The following FYN variants were observed in gnomAD, a reference collection of about 807,000 sequenced individuals.
FYN encodes FYN proto-oncogene, Src family tyrosine kinase, also known as tyrosine-protein kinase Fyn.
FYN carries 10 observed loss-of-function variants against 70.2 expected under a neutral mutation model. The ratio of observed to expected loss-of-function variants is 0.14; its 90% CI spans 0.09 to 0.24. The LOEUF (loss-of-function observed/expected upper bound fraction) is 0.24. Ranked by LOEUF, FYN falls within the 10% of genes least tolerant of loss-of-function variation. The pLI is 1.00. For missense variants in FYN, 319 were observed against 673.1 expected (o/e 0.47, Z 5.82); for synonymous variants, 236 against 248.6 (o/e 0.95, Z 0.48).
intron 2 of FYN, among the ~76,000 whole-genome samples, chr6:111,830,513 G>GGA (rs34526346): frequency 0.59 from 89,124 of 151,708 alleles, 26,690 homozygotes; most frequent in East Asian, 0.8. Flanking sequence ...CACAGTGCTG[G>GGA]GAGAGAGTCC....
intron 2 of FYN, among the ~76,000 whole-genome samples, chr6:111,794,400 C>A (rs919696327): frequency 1.3e-5 from 2 of 152,110 alleles, no homozygotes; most frequent in African/African-American, 2.4e-5. Context: ...AGAGGAATCA[C>A]AAGGGTCAAA....
intron 2 of FYN, among the ~76,000 whole-genome samples, chr6:111,824,294 T>C (rs1424320883): frequency 6.6e-6 from 1 of 152,220 alleles, no homozygotes; most frequent in Non-Finnish European, 1.5e-5. Flanking sequence ...TCATAGTCTA[T>C]TAAGGGGCAA....
intron 3 of FYN, among the ~76,000 whole-genome samples, chr6:111,779,911 A>T (rs1771106944): frequency 6.6e-6 from 1 of 152,244 alleles, no homozygotes; most frequent in Admixed American, 6.5e-5. Flanking sequence ...CCTATGATGT[A>T]GGTAACATGA....
chr6:111,684,915 C>A (rs1562469105), intron 12 of FYN, among the ~76,000 whole-genome samples: 1 of 152,146 alleles, frequency 6.6e-6, no homozygotes, highest in Non-Finnish European at 1.5e-5. Context: ...TTCTAGAATA[C>A]TGAGGCTCTG....
intron 9 of FYN, among the ~76,000 whole-genome samples, chr6:111,698,863 C>A (rs570722657): frequency 6.6e-6 from 1 of 152,156 alleles, no homozygotes; most frequent in South Asian, 2.1e-4. Flanking sequence ...AGCTGGCAGA[C>A]CACCAGGTCA....
intron 2 of FYN, among the ~76,000 whole-genome samples, chr6:111,803,918 A>C (rs1302845164): frequency 2.0e-5 from 3 of 152,210 alleles, no homozygotes; most frequent in Non-Finnish European, 4.4e-5. Context: ...AAATATCCAT[A>C]GTGTTAGGAA....
At chr6:111,750,380 G>A (rs781759886) in intron 3 of FYN, among the ~76,000 whole-genome samples, 1 of 152,000 alleles carries the variant, frequency 6.6e-6, no homozygotes, top group Admixed American at 6.5e-5. Flanking sequence ...GAGATGCCTC[G>A]CTTCCCCTTT....
chr6:111,840,532 G>A (rs2114454477), intron 2 of FYN, among the ~76,000 whole-genome samples: 1 of 152,314 alleles, frequency 6.6e-6, no homozygotes, highest in East Asian at 1.9e-4. Context: ...AAAACTGTGG[G>A]GGAATAAATC....
intron 3 of FYN, chr6:111,759,196 G>A (rs377514321): frequency 9.2e-5 from 14 of 152,330 alleles, no homozygotes; most frequent in African/African-American, 3.1e-4. Context: ...AAGGGTTGGG[G>A]CCAAGAATCT....
chr6:111,850,506 A>G (rs142752153), intron 1 of FYN, among the ~76,000 whole-genome samples: 86 of 152,360 alleles, frequency 5.6e-4, no homozygotes, highest in Middle Eastern at 3.4e-3. Context: ...ACTGAGGATA[A>G]AATAGCCGTT....
intron 3 of FYN, among the ~76,000 whole-genome samples, chr6:111,773,560 GA>G (rs1803565857): frequency 3.8e-5 from 1 of 26,332 alleles, no homozygotes; most frequent in Non-Finnish European, 6.6e-5. Context: ...AGACGCAGAG[GA>G]GGGAGAGGGA....
At chr6:111,703,936 C>T in intron 7 of FYN, 63 bp downstream of exon 7, 1 of 1,267,868 alleles carries the variant, frequency 7.9e-7, no homozygotes, top group Non-Finnish European at 1.2e-6. Flanking sequence ...ATAAGCCTTT[C>T]ATCCCCTCTG....
At chr6:111,776,795 G>A (rs534647595) in intron 3 of FYN, among the ~76,000 whole-genome samples, 8 of 152,142 alleles carry the variant, frequency 5.3e-5, no homozygotes, top group Non-Finnish European at 1.2e-4. Context: ...ATCATAAATT[G>A]ACATATGTTG....
chr6:111,868,207 T>C (rs1190486926), intron 1 of FYN, among the ~76,000 whole-genome samples: 4 of 152,086 alleles, frequency 2.6e-5, no homozygotes, highest in Admixed American at 6.5e-5. Context: ...ATTTCTAACA[T>C]TGGTCAGAGA....
chr6:111,869,105 G>T (rs1319272108), intron 1 of FYN, among the ~76,000 whole-genome samples: 1 of 152,226 alleles, frequency 6.6e-6, no homozygotes, highest in Non-Finnish European at 1.5e-5. Context: ...TGGCTGGTAT[G>T]AATGGAATTG....
At chr6:111,751,749 T>C (rs1210578881) in intron 3 of FYN, among the ~76,000 whole-genome samples, 1 of 152,084 alleles carries the variant, frequency 6.6e-6, no homozygotes, top group African/African-American at 2.4e-5. Flanking sequence ...CGCCTCCCAG[T>C]ACCTGGGACT....
At chr6:111,844,141 T>C (rs761680282) in intron 2 of FYN, among the ~76,000 whole-genome samples, 3 of 152,316 alleles carry the variant, frequency 2.0e-5, no homozygotes, top group East Asian at 1.9e-4. Flanking sequence ...AAGTGTAACA[T>C]AGATGATATA....
At chr6:111,682,757 G>C (rs530255221) in intron 12 of FYN, among the ~76,000 whole-genome samples, 3 of 152,348 alleles carry the variant, frequency 2.0e-5, no homozygotes, top group Non-Finnish European at 4.4e-5. Flanking sequence ...GGATTTGCTG[G>C]TTGATCATTT....
intron 3 of FYN, among the ~76,000 whole-genome samples, chr6:111,751,136 A>T (rs1418962232): frequency 6.6e-6 from 1 of 152,214 alleles, no homozygotes; most frequent in Admixed American, 6.5e-5. Flanking sequence ...GCTCAACCTC[A>T]TTCCCAACTA....
Sources: allele counts gnomAD v4.1 joint callset (sites outside exome capture counted in the v4.1 genomes callset), GRCh38; gene constraint gnomAD v4.1.1; transcripts MANE v1.5; gene names NCBI Gene and HGNC (gene_info 2026-07-23, HGNC 2026-07-21).